AGPAT5: variants seen among roughly 807,000 people sequenced by gnomAD.
AGPAT5 encodes 1-acylglycerol-3-phosphate O-acyltransferase 5, also known as 1-acyl-sn-glycerol-3-phosphate acyltransferase epsilon.
Under a neutral mutation model 45.6 loss-of-function variants are expected in AGPAT5, and 46 were observed. The observed-to-expected ratio is 1.01, with a 90% CI of 0.80 to 1.29. The LOEUF is 1.29. AGPAT5 is among the 50% of genes most tolerant of loss of function. AGPAT5 has a pLI of 0.00. For synonymous variants in AGPAT5, 272 were observed against 167.0 expected, an observed-to-expected ratio of 1.63 and a Z score of -4.85; for missense variants, 673 against 450.7, an observed-to-expected ratio of 1.49 and a Z score of -4.47.
chr8:6,754,302 T>G (rs1351549686), intron 6 of AGPAT5, among the ~76,000 whole-genome samples: 2 of 152,216 alleles, frequency 1.3e-5, no homozygotes, highest in African/African-American at 4.8e-5. Context: ...TACAGTTGTT[T>G]ACAGGGCTCA....
At chr8:6,735,132 T>C (rs1213127191) in intron 4 of AGPAT5, among the ~76,000 whole-genome samples, 1 of 152,186 alleles carries the variant, frequency 6.6e-6, no homozygotes, top group Non-Finnish European at 1.5e-5. Flanking sequence ...GTGCCCAGTA[T>C]GTATTCCTGC....
chr8:6,755,586 G>T (rs771758802), intron 7 of AGPAT5, among the ~76,000 whole-genome samples: 16 of 152,202 alleles, frequency 1.1e-4, no homozygotes, highest in African/African-American at 3.9e-4. Flanking sequence ...CTATGCGGAC[G>T]TGCAGGTGGA....
chr8:6,756,940 A>G (rs1257350595), intron 7 of AGPAT5, among the ~76,000 whole-genome samples: 1 of 152,252 alleles, frequency 6.6e-6, no homozygotes, highest in Non-Finnish European at 1.5e-5. Flanking sequence ...ACCTGTTGAA[A>G]TATTACATAT....
At chr8:6,733,047 G>C (rs564985871) in intron 4 of AGPAT5, among the ~76,000 whole-genome samples, 1 of 152,162 alleles carries the variant, frequency 6.6e-6, no homozygotes, top group Admixed American at 6.5e-5. Flanking sequence ...AATTTTGAAT[G>C]TCTTACATGT....
At chr8:6,747,579 T>G (rs1801515463) in intron 5 of AGPAT5, 91 bp from the exon 6 acceptor site, 1 of 1,208,802 alleles carries the variant, frequency 8.3e-7, no homozygotes, top group African/African-American at 1.5e-5. Context: ...TTGTGTGTGT[T>G]TGAGGGAATT....
intron 6 of AGPAT5, among the ~76,000 whole-genome samples, chr8:6,752,175 T>C (rs1563307536): frequency 6.7e-6 from 1 of 149,580 alleles, no homozygotes; most frequent in Non-Finnish European, 1.5e-5. Context: ...AGAATCCGCC[T>C]AAAAAAAAAG....
intron 1 of AGPAT5, among the ~76,000 whole-genome samples, chr8:6,710,800 A>T (rs1224728518): frequency 6.6e-6 from 1 of 152,218 alleles, no homozygotes; most frequent in African/African-American, 2.4e-5. Flanking sequence ...AAAAAGATTT[A>T]TAGTGATGTT....
At chr8:6,719,398 G>T (rs768411704) in intron 1 of AGPAT5, among the ~76,000 whole-genome samples, 1 of 152,164 alleles carries the variant, frequency 6.6e-6, no homozygotes, top group Non-Finnish European at 1.5e-5. Context: ...TAGTAGGCAG[G>T]AATTCAATAT....
intron 5 of AGPAT5, among the ~76,000 whole-genome samples, chr8:6,743,332 C>G (rs1253810082): frequency 6.6e-6 from 1 of 152,234 alleles, no homozygotes; most frequent in Non-Finnish European, 1.5e-5. Flanking sequence ...CCCTCCATGT[C>G]TCTCTGCCTA....
In AGPAT5 at chr8:6,755,209, C is replaced by T. The variant is rs765852279; in HGVS notation, c.869+35C>T. 4.5e-5 allele frequency: 71 copies of T among 1,580,808 alleles called. No individual in the cohort carries two copies. The South Asian group carries it at 5.4e-4, about 12-fold the overall frequency. ...AACAGTTCCAGCACTTCCGGAACTTCGGTTCAACTAGATTTCAGTATAGTC... is the reference window on the plus strand; with the variant it reads ...AACAGTTCCAGCACTTCCGGAACTTTGGTTCAACTAGATTTCAGTATAGTC... On this transcript the variant is annotated intron_variant, in intron 7 of 7. Transcript: ENST00000285518.
At chr8:6,751,107 G>A (rs1376346576) in intron 6 of AGPAT5, among the ~76,000 whole-genome samples, 3 of 151,910 alleles carry the variant, frequency 2.0e-5, no homozygotes, top group African/African-American at 4.8e-5. Flanking sequence ...GGGTGTTCTG[G>A]TCTGGTTATA....
chr8:6,737,940 T>C (rs1801108912), intron 4 of AGPAT5, among the ~76,000 whole-genome samples: 1 of 152,210 alleles, frequency 6.6e-6, no homozygotes, highest in Non-Finnish European at 1.5e-5. Flanking sequence ...CTTCAGAGAA[T>C]TAAAGGGAGT....
chr8:6,747,934 A>G (rs762183052), intron 6 of AGPAT5, 106 bp downstream of exon 6: 54 of 1,130,040 alleles, frequency 4.8e-5, no homozygotes, highest in Non-Finnish European at 6.1e-5. Flanking sequence ...TTTTTCCTTC[A>G]TTACATTTAC....
At chr8:6,709,693 G>A (rs1800080772) in intron 1 of AGPAT5, among the ~76,000 whole-genome samples, 2 of 152,136 alleles carry the variant, frequency 1.3e-5, no homozygotes, top group African/African-American at 4.8e-5. Flanking sequence ...ATGGGGAAAT[G>A]GGACGGTATC....
At chr8:6,712,329 A>G (rs916083295) in intron 1 of AGPAT5, among the ~76,000 whole-genome samples, 5 of 152,062 alleles carry the variant, frequency 3.3e-5, no homozygotes, top group Non-Finnish European at 7.4e-5. Context: ...ATATTTCGGT[A>G]TTCTTTTAAT....
intron 7 of AGPAT5, among the ~76,000 whole-genome samples, chr8:6,755,451 C>T (rs1053966060): frequency 2.0e-5 from 3 of 152,130 alleles, no homozygotes; most frequent in African/African-American, 2.4e-5. Flanking sequence ...CAACAACAAA[C>T]ACACAAAAAA....
intron 4 of AGPAT5, among the ~76,000 whole-genome samples, chr8:6,738,204 A>T (rs1563297081): frequency 6.6e-6 from 1 of 152,154 alleles, no homozygotes; most frequent in African/African-American, 2.4e-5. Context: ...TCACTAAGCC[A>T]TTTCTAGCTA....
At chr8:6,732,349 G>C (rs1210598515) in intron 3 of AGPAT5, among the ~76,000 whole-genome samples, 1 of 152,198 alleles carries the variant, frequency 6.6e-6, no homozygotes, top group East Asian at 1.9e-4. Flanking sequence ...CCAATACAGT[G>C]TCACATGCAG....
intron 4 of AGPAT5, among the ~76,000 whole-genome samples, chr8:6,735,712 A>C (rs185381706): frequency 1.3e-5 from 2 of 152,206 alleles, no homozygotes; most frequent in Non-Finnish European, 2.9e-5. Context: ...GGTTGGCAGT[A>C]GTATTCCTTC....
Sources: allele counts gnomAD v4.1 joint callset (sites outside exome capture counted in the v4.1 genomes callset), GRCh38; gene constraint gnomAD v4.1.1; transcripts MANE v1.5; gene names NCBI Gene and HGNC (gene_info 2026-07-23, HGNC 2026-07-21).